The following ADGRD1 variants were observed in gnomAD, a reference collection of about 807,000 sequenced individuals.
The protein encoded by ADGRD1 is adhesion G protein-coupled receptor D1.
A neutral mutation model predicts 113.4 loss-of-function variants in ADGRD1; 77 were observed. That is an observed-to-expected ratio of 0.68 (90% CI 0.57 to 0.82). The LOEUF is 0.82. Ranked by LOEUF, ADGRD1 falls within the 40% of genes least tolerant of loss-of-function variation. ADGRD1 has a pLI of 0.00. For missense variants in ADGRD1, 1,036 were observed against 1,139.1 expected (o/e 0.91, Z 1.30); for synonymous variants, 474 against 475.0 (o/e 1.00, Z 0.03).
At position 131,136,140 on chromosome 12, in the gene ADGRD1, T is replaced by C. The variant is rs748902290; in HGVS notation, c.2371T>C (p.Phe791Leu). ...NGCAVVFQYM[F>L]ATLNSLQGLF... The stretch of plus-strand genomic sequence containing the variant: ...TTGTGCTGTGGTTTTCCAGTACATG[T>C]TTGCCACGCTCAACTCCCTGCAGGT... The change falls in exon 22 of 25, where the codon TTT (phenylalanine) becomes CTT (leucine). Residue 791 changes from phenylalanine to leucine, a missense_variant. Physicochemically the swap from Phe to Leu is conservative, Grantham distance 22. Coordinates refer to ENST00000261654, the MANE Select transcript of ADGRD1 (RefSeq NM_198827.5). 4.3e-6 allele frequency: 7 copies of C among 1,614,034 alleles called. No homozygotes were observed. The African/African-American group carries it at 8.0e-5, about 18-fold the overall frequency.
intron 20 of ADGRD1, 35 bp from the exon 21 acceptor site, chr12:131,131,690 G>GC (rs754473324): frequency 1.0e-5 from 15 of 1,458,694 alleles, no homozygotes; most frequent in East Asian, 7.0e-5. Context: ...TGCAGCCCAG[G>GC]CCCCCCTCAC....
intron 4 of ADGRD1, chr12:130,976,871 A>C (rs1409067874): frequency 6.6e-6 from 1 of 151,774 alleles, no homozygotes; most frequent in Non-Finnish European, 1.5e-5. Flanking sequence ...AAAAAAAAAA[A>C]AAAATTTAGC....
intron 3 of ADGRD1, chr12:130,969,019 C>T (rs1327994828): frequency 1.3e-6 from 2 of 1,535,246 alleles, no homozygotes; most frequent in Non-Finnish European, 1.7e-6. Flanking sequence ...TCCCGTAATG[C>T]TACTTTTGTG....
intron 21 of ADGRD1, among the ~76,000 whole-genome samples, chr12:131,135,815 C>T (rs1381306992): frequency 6.6e-6 from 1 of 152,238 alleles, no homozygotes; most frequent in Non-Finnish European, 1.5e-5. Flanking sequence ...TTTTCCAGAG[C>T]TCTCTCCCAC....
intron 13 of ADGRD1, among the ~76,000 whole-genome samples, chr12:131,031,651 C>T (rs7965692): frequency 4.0e-5 from 6 of 151,696 alleles, no homozygotes; most frequent in East Asian, 3.9e-4. Context: ...TTCTGGGGCC[C>T]CTCTCCACCA....
chr12:130,962,706 G>C (rs1870503694), intron 2 of ADGRD1: 1 of 152,188 alleles, frequency 6.6e-6, no homozygotes, highest in African/African-American at 2.4e-5. Context: ...ACTTTATCTA[G>C]ATAGGGCTAT....
At position 131,045,508 on chromosome 12, in the gene ADGRD1, C is replaced by A. The variant is rs976173953; in HGVS notation, c.1473+31168C>A. 9.2e-5 allele frequency among the ~76,000 whole-genome samples: 14 copies of A among 152,018 alleles called. 1 individual carries two copies. Among genetic ancestry groups the A allele is most frequent in the East Asian group, 1.9e-4 (1 of 5,154 alleles). The stretch of plus-strand genomic sequence containing the variant: ...GGCAGGGCAGTGCTGTACAGGGACC[C>A]CCCCCCACCCCCGCCTCCCTGCCCG... On this transcript the variant is annotated intron_variant, in intron 13 of 24. Transcript: ENST00000261654.
chr12:130,992,226 A>T lies in ADGRD1; in HGVS notation c.811-11A>T. On this transcript the variant is annotated splice_polypyrimidine_tract_variant and intron_variant, in intron 7 of 24. Coordinates refer to ENST00000261654, the MANE Select transcript of ADGRD1 (RefSeq NM_198827.5). ...TTCTTAGTAGAAACTCATGTTGCCA[A>T]TTTCTTTCAGATGCCCACAGATGCC... 6.2e-7 allele frequency: 1 copy of T among 1,604,608 alleles called. No homozygotes were observed. The highest frequency in any genetic ancestry group is 8.5e-7 in the Non-Finnish European group (1 of 1,176,760).
intron 13 of ADGRD1, among the ~76,000 whole-genome samples, chr12:131,033,246 T>A (rs1881001116): frequency 6.6e-6 from 1 of 152,120 alleles, no homozygotes; most frequent in Non-Finnish European, 1.5e-5. Flanking sequence ...ATTGTCTTGT[T>A]TTTGTGTGGC....
At chr12:131,094,831 C>T (rs980814322) in intron 15 of ADGRD1, among the ~76,000 whole-genome samples, 6 of 152,214 alleles carry the variant, frequency 3.9e-5, no homozygotes, top group African/African-American at 7.2e-5. Context: ...GTTCCCGCCC[C>T]GCCTTACAGA....
At chr12:130,983,241 T>C (rs1469768012) in intron 5 of ADGRD1, among the ~76,000 whole-genome samples, 1 of 152,140 alleles carries the variant, frequency 6.6e-6, no homozygotes, top group Non-Finnish European at 1.5e-5. Context: ...GATGGCACAG[T>C]GGGCCCAGAA....
intron 13 of ADGRD1, among the ~76,000 whole-genome samples, chr12:131,047,207 G>A (rs1421875789): frequency 1.3e-5 from 2 of 152,250 alleles, no homozygotes; most frequent in African/African-American, 4.8e-5. Flanking sequence ...AGGGAGGACG[G>A]AGCCCATTGA....
At position 131,084,618 on chromosome 12, in the gene ADGRD1, T is replaced by C. The variant is rs1335449893; in HGVS notation, c.1626T>C (p.Thr542=). The C allele has an allele frequency of 1.9e-6, 3 of 1,614,116 alleles. No individual in the cohort carries two copies. In the South Asian group the frequency reaches 3.3e-5, roughly 18 times the overall value. ...TCACCTACTCCGTCTGCCGCTGCAC[T>C]CACCTCACCAACTTTGCCATCCTCA... ...GNLTYSVCRC[T]HLTNFAILMQ... The change falls in exon 15 of 25, where the codon ACT becomes ACC. Residue 542 remains threonine (T), a synonymous_variant. Coordinates refer to ENST00000261654, the MANE Select transcript of ADGRD1 (RefSeq NM_198827.5). This position sits in a 1 kb window ranked among gnomAD's most constrained non-coding sequence, Gnocchi z 4.5.
intron 14 of ADGRD1, among the ~76,000 whole-genome samples, chr12:131,078,049 C>G (rs1045889127): frequency 6.6e-6 from 1 of 152,220 alleles, no homozygotes; most frequent in African/African-American, 2.4e-5. Context: ...ACCTGGGCAT[C>G]TTCCTGTGCC....
chr12:131,037,169 G>GCAC (rs1881563951), intron 13 of ADGRD1, among the ~76,000 whole-genome samples: 1 of 131,288 alleles, frequency 7.6e-6, no homozygotes. Flanking sequence ...CTCACTCACT[G>GCAC]TCCCAGGCCT....
chr12:131,109,961 C>G (rs530733245), intron 18 of ADGRD1, among the ~76,000 whole-genome samples: 13 of 152,194 alleles, frequency 8.5e-5, no homozygotes, highest in African/African-American at 3.1e-4. Flanking sequence ...CTCTTCATCT[C>G]TAGTATTATG....
chr12:131,115,254 C>A (rs374811871), intron 18 of ADGRD1, among the ~76,000 whole-genome samples: 1 of 152,302 alleles, frequency 6.6e-6, no homozygotes, highest in South Asian at 2.1e-4. Context: ...GGCACCGCCT[C>A]GAGCTATGTG....
Position 130,984,083 on chromosome 12 carries a change from A to C in ADGRD1, c.490+2020A>C, listed in dbSNP as rs933099723. On this transcript the variant is annotated intron_variant, in intron 5 of 24. Coordinates refer to ENST00000261654, the MANE Select transcript of ADGRD1 (RefSeq NM_198827.5). This position sits in a 1 kb window ranked among gnomAD's most constrained non-coding sequence, Gnocchi z 4.1. ...CATTATACGCCCTCGCTTAGAGCAC[A>C]GGCTGATGCCAATGGCCTGTGGGCT... Among the ~76,000 whole-genome samples, 3 of 152,186 alleles carry C rather than the reference A, an allele frequency of 2.0e-5. No individual in the cohort carries two copies. Among genetic ancestry groups the C allele is most frequent in the Admixed American group, 6.5e-5 (1 of 15,280 alleles).
Position 130,960,665 on chromosome 12 carries a change from A to G in ADGRD1, c.104-5798A>G, listed in dbSNP as rs76499850. 3.8e-4 allele frequency among the ~76,000 whole-genome samples: 57 copies of G among 151,574 alleles called. 3 individuals are homozygous for G. Among genetic ancestry groups the G allele is most frequent in the Non-Finnish European group, 7.4e-5 (5 of 67,882 alleles). On this transcript the variant is annotated intron_variant, in intron 2 of 24. Transcript: ENST00000261654. The stretch of plus-strand genomic sequence containing the variant: ...TCAAATGCAAAAATCTCTCTCTCAC[A>G]CACACACACACATACACACACACCT...
Sources: allele counts gnomAD v4.1 joint callset (sites outside exome capture counted in the v4.1 genomes callset), GRCh38; gene constraint gnomAD v4.1.1; non-coding constraint Gnocchi (gnomAD v3.1); transcripts MANE v1.5; gene names NCBI Gene and HGNC (gene_info 2026-07-23, HGNC 2026-07-21).